Variants in DIAPH3 observed in about 807,000 individuals in gnomAD.
DIAPH3 encodes the protein protein diaphanous homolog 3.
In DIAPH3, 117 loss-of-function variants were observed where a neutral mutation model predicts 144.3. The observed-to-expected ratio is 0.81, with a 90% CI of 0.70 to 0.95. DIAPH3 has a LOEUF of 0.95. Among genes scored for constraint, DIAPH3 ranks in the 40% least tolerant of loss-of-function variants. DIAPH3 has a pLI of 0.00. For synonymous variants in DIAPH3, 519 were observed against 488.9 expected, an observed-to-expected ratio of 1.06 and a Z score of -0.81; for missense variants, 1,421 against 1,412.7, an observed-to-expected ratio of 1.01 and a Z score of -0.09.
chr13:60,038,594 C>T (rs2141163255), intron 5 of DIAPH3, among the ~76,000 whole-genome samples: 1 of 152,140 alleles, frequency 6.6e-6, no homozygotes, highest in Admixed American at 6.5e-5. Context: ...CAAAATTTTC[C>T]AAAATGATTT....
At chr13:59,715,680 A>C (rs549705848) in intron 27 of DIAPH3, among the ~76,000 whole-genome samples, 5 of 152,248 alleles carry the variant, frequency 3.3e-5, no homozygotes, top group African/African-American at 1.2e-4. Context: ...CAATTATAGC[A>C]CTTGAAGAAA....
At chr13:59,874,561 T>A (rs919064458) in intron 21 of DIAPH3, among the ~76,000 whole-genome samples, 1 of 152,256 alleles carries the variant, frequency 6.6e-6, no homozygotes, top group Admixed American at 6.5e-5. Context: ...TCAACGCCCA[T>A]AGCCCCATTA....
At chr13:59,816,123 A>G (rs2040759906) in intron 24 of DIAPH3, among the ~76,000 whole-genome samples, 1 of 152,102 alleles carries the variant, frequency 6.6e-6, no homozygotes, top group African/African-American at 2.4e-5. Context: ...TGAATATTCT[A>G]ATATTAAGCC....
At chr13:60,024,546 G>A (rs1566674315) in intron 5 of DIAPH3, among the ~76,000 whole-genome samples, 1 of 151,576 alleles carries the variant, frequency 6.6e-6, no homozygotes, top group East Asian at 1.9e-4. Context: ...ACACTTTTAT[G>A]ATGACTGCTT....
chr13:59,811,325 A>C (rs1008413789), intron 24 of DIAPH3, among the ~76,000 whole-genome samples: 35 of 152,368 alleles, frequency 2.3e-4, no homozygotes, highest in Non-Finnish European at 3.5e-4. Flanking sequence ...TATCAAGTAC[A>C]AGAAAAATTA....
chr13:60,008,822 C>A (rs1377282379), intron 8 of DIAPH3, among the ~76,000 whole-genome samples, 173 bp from the exon 9 acceptor site: 1 of 152,164 alleles, frequency 6.6e-6, no homozygotes, highest in Non-Finnish European at 1.5e-5. Flanking sequence ...ACATTTTAAT[C>A]ATTTATCCCT....
At chr13:59,709,752 C>A (rs1240296143) in intron 27 of DIAPH3, among the ~76,000 whole-genome samples, 1 of 152,104 alleles carries the variant, frequency 6.6e-6, no homozygotes. Context: ...TGGGTATATA[C>A]CCAAAGGACT....
At chr13:59,720,820 G>A (rs896970896) in intron 27 of DIAPH3, among the ~76,000 whole-genome samples, 6 of 152,088 alleles carry the variant, frequency 3.9e-5, no homozygotes, top group African/African-American at 1.4e-4. Flanking sequence ...AACATTATAA[G>A]TCCATTTATT....
intron 27 of DIAPH3, among the ~76,000 whole-genome samples, chr13:59,679,801 A>G (rs2032847339): frequency 6.6e-6 from 1 of 152,200 alleles, no homozygotes; most frequent in Non-Finnish European, 1.5e-5. Context: ...ACTGAGAGAA[A>G]TAAGAATTCT....
intron 12 of DIAPH3, among the ~76,000 whole-genome samples, chr13:59,990,392 C>A (rs1038644808): frequency 6.6e-6 from 1 of 151,748 alleles, no homozygotes; most frequent in Admixed American, 6.6e-5. Flanking sequence ...GAAAAAAACA[C>A]CCAAAGTATA....
At chr13:60,076,795 A>G (rs572771830) in intron 4 of DIAPH3, among the ~76,000 whole-genome samples, 1 of 152,138 alleles carries the variant, frequency 6.6e-6, no homozygotes, top group African/African-American at 2.4e-5. Flanking sequence ...TTTTGCCACT[A>G]ATCTTAAATA....
At chr13:59,777,300 G>A (rs1268844274) in intron 25 of DIAPH3, among the ~76,000 whole-genome samples, 1 of 152,132 alleles carries the variant, frequency 6.6e-6, no homozygotes, top group Non-Finnish European at 1.5e-5. Flanking sequence ...ATAATCATGG[G>A]AATGGGATTA....
At chr13:59,786,081 A>G (rs1439961790) in intron 25 of DIAPH3, among the ~76,000 whole-genome samples, 1 of 152,206 alleles carries the variant, frequency 6.6e-6, no homozygotes, top group Non-Finnish European at 1.5e-5. Flanking sequence ...ACGCCTCAGC[A>G]CTATAGCCTG....
chr13:60,100,316 A>G (rs756154399), intron 3 of DIAPH3, among the ~76,000 whole-genome samples: 3 of 151,750 alleles, frequency 2.0e-5, no homozygotes, highest in Non-Finnish European at 4.4e-5. Flanking sequence ...AATCACAAGG[A>G]AAAAAAAAGT....
In DIAPH3 at chr13:59,900,000, A is replaced by G. The variant is rs187116630; in HGVS notation, c.2367+11735T>C. The stretch of plus-strand genomic sequence containing the variant: ...ATTTAATATAGCTGACATTCTACTA[A>G]TTTCAAGGGAAAAAGAGTAACAAAA... On this transcript the variant is annotated intron_variant, in intron 20 of 27. Coordinates refer to ENST00000400324, the MANE Select transcript of DIAPH3 (RefSeq NM_001042517.2). 1.3e-4 allele frequency among the ~76,000 whole-genome samples: 20 copies of G among 152,336 alleles called. No homozygotes were observed. The East Asian group carries it at 3.9e-3, about 29-fold the overall frequency.
chr13:59,794,096 A>G (rs2139422524), intron 25 of DIAPH3, among the ~76,000 whole-genome samples: 1 of 152,348 alleles, frequency 6.6e-6, no homozygotes, highest in South Asian at 2.1e-4. Flanking sequence ...TCTGTGTTAT[A>G]TGATTTTGCC....
intron 4 of DIAPH3, among the ~76,000 whole-genome samples, chr13:60,059,399 T>C (rs1284000002): frequency 2.0e-5 from 3 of 152,022 alleles, no homozygotes; most frequent in South Asian, 2.1e-4. Flanking sequence ...TAAACAACTA[T>C]TTTTAAATTT....
At chr13:60,019,766 ATGT>A (rs748759607) in intron 5 of DIAPH3, among the ~76,000 whole-genome samples, 3 of 152,166 alleles carry the variant, frequency 2.0e-5, no homozygotes, top group Non-Finnish European at 4.4e-5. Context: ...GGTTTCTGAC[ATGT>A]TGTTGGCTTT....
At chr13:59,878,211 T>C (rs762126443) in intron 21 of DIAPH3, among the ~76,000 whole-genome samples, 6 of 152,126 alleles carry the variant, frequency 3.9e-5, no homozygotes, top group Non-Finnish European at 7.4e-5. Context: ...TTTTAGGAAT[T>C]GCATCGCCCA....
Sources: allele counts gnomAD v4.1 joint callset (sites outside exome capture counted in the v4.1 genomes callset), GRCh38; gene constraint gnomAD v4.1.1; transcripts MANE v1.5; gene names NCBI Gene and HGNC (gene_info 2026-07-23, HGNC 2026-07-21).